The following PLXDC2 variants were observed in gnomAD, a reference collection of about 807,000 sequenced individuals.
The protein encoded by PLXDC2 is plexin domain containing 2.
In PLXDC2, 40 loss-of-function variants were observed where a neutral mutation model predicts 68.9. That is an observed-to-expected ratio of 0.58 (90% CI 0.45 to 0.76). The LOEUF (loss-of-function observed/expected upper bound fraction) is 0.76, where lower values mean the gene tolerates loss of function less well. Among genes scored for constraint, PLXDC2 ranks in the 30% least tolerant of loss-of-function variants. The pLI is 0.00. For missense variants in PLXDC2, 644 were observed against 661.9 expected, an observed-to-expected ratio of 0.97 and a Z score of 0.30; for synonymous variants, 243 against 234.2, an observed-to-expected ratio of 1.04 and a Z score of -0.34.
Position 20,224,134 on chromosome 10 carries a change from C to T in PLXDC2, c.1312+5032C>T, listed in dbSNP as rs193207985. ...GATTACAGGCACATGCCACCATGCC[C>T]GGCTAATTTTTGTATTTTTAGTAGA... On this transcript the variant is annotated intron_variant, in intron 12 of 13. Coordinates refer to ENST00000377252, the MANE Select transcript of PLXDC2 (RefSeq NM_032812.9). Among the ~76,000 whole-genome samples the T allele has an allele frequency of 7.8e-4, 118 of 152,022 alleles. 2 individuals carry two copies. In the South Asian group the frequency reaches 0.02, roughly 26 times the overall value.
intron 6 of PLXDC2, among the ~76,000 whole-genome samples, chr10:20,158,501 CAAAAAAAAAAAA>C (rs59079629): frequency 4.2e-5 from 5 of 118,776 alleles, no homozygotes; most frequent in Non-Finnish European, 8.7e-5. Flanking sequence ...TCTGTCTCTG[CAAAAAAAAAAAA>C]AAAAAAAAAA....
chr10:20,168,279 A>T (rs1834400599), intron 7 of PLXDC2, among the ~76,000 whole-genome samples: 1 of 152,196 alleles, frequency 6.6e-6, no homozygotes, highest in Admixed American at 6.6e-5. Context: ...CTTTCTATAT[A>T]AAATGAGCAT....
intron 1 of PLXDC2, among the ~76,000 whole-genome samples, chr10:19,910,207 C>T (rs933710662): frequency 2.2e-4 from 33 of 149,950 alleles, no homozygotes; most frequent in African/African-American, 7.9e-4. Context: ...TCTGCAAGTT[C>T]AGTGGATTTG....
At chr10:19,834,538 C>T (rs1007958184) in intron 1 of PLXDC2, among the ~76,000 whole-genome samples, 2 of 152,202 alleles carry the variant, frequency 1.3e-5, no homozygotes, top group East Asian at 3.8e-4. Context: ...CAATACACAT[C>T]TGGCAATAGA....
intron 1 of PLXDC2, among the ~76,000 whole-genome samples, chr10:19,882,340 A>C (rs887766299): frequency 8.5e-5 from 13 of 152,212 alleles, no homozygotes; most frequent in Admixed American, 8.5e-4. Context: ...ATAAAGACAA[A>C]GGGGTCAGGG....
intron 1 of PLXDC2, among the ~76,000 whole-genome samples, chr10:19,821,172 T>C (rs1479658014): frequency 1.3e-5 from 2 of 152,206 alleles, no homozygotes; most frequent in South Asian, 2.1e-4. Context: ...CTCTTCTCCA[T>C]GGTCTTCAAG....
intron 6 of PLXDC2, among the ~76,000 whole-genome samples, chr10:20,151,934 C>T (rs1343020847): frequency 2.0e-5 from 3 of 151,958 alleles, no homozygotes. Context: ...ACACAAAACC[C>T]ACCACCAATT....
chr10:20,088,591 GAA>G (rs1485365388), intron 4 of PLXDC2, among the ~76,000 whole-genome samples: 1 of 152,096 alleles, frequency 6.6e-6, no homozygotes, highest in East Asian at 1.9e-4. Flanking sequence ...CCACCCATAG[GAA>G]ACTATTCATA....
At chr10:19,837,409 AGTGTGTGTGTGTGT>A (rs3043789) in intron 1 of PLXDC2, among the ~76,000 whole-genome samples, 3 of 82,598 alleles carry the variant, frequency 3.6e-5, no homozygotes, top group African/African-American at 6.9e-5. Context: ...AGAGAGAGAG[AGTGTGTGTGTGTGT>A]GTGTGTGTGT....
intron 9 of PLXDC2, among the ~76,000 whole-genome samples, chr10:20,208,733 A>G (rs1267583078): frequency 6.6e-6 from 1 of 152,102 alleles, no homozygotes; most frequent in Non-Finnish European, 1.5e-5. Context: ...ATTCAGCCAG[A>G]TATCGGGTGA....
At chr10:19,906,865 T>C (rs1232720321) in intron 1 of PLXDC2, among the ~76,000 whole-genome samples, 2 of 152,198 alleles carry the variant, frequency 1.3e-5, no homozygotes, top group Non-Finnish European at 2.9e-5. Flanking sequence ...TACTCTTCTG[T>C]CTGCCTGGAG....
chr10:19,912,525 C>CT (rs1244018942), intron 1 of PLXDC2, among the ~76,000 whole-genome samples: 3 of 152,136 alleles, frequency 2.0e-5, no homozygotes, highest in African/African-American at 7.2e-5. Flanking sequence ...TTTGATATCA[C>CT]TTTTTTCAGA....
chr10:20,039,015 A>G (rs1354747364), intron 2 of PLXDC2, among the ~76,000 whole-genome samples: 1 of 152,172 alleles, frequency 6.6e-6, no homozygotes, highest in Non-Finnish European at 1.5e-5. Context: ...GAAAGGCCAC[A>G]CTGAAATGAA....
At chr10:19,888,438 G>C (rs1414391184) in intron 1 of PLXDC2, among the ~76,000 whole-genome samples, 1 of 152,162 alleles carries the variant, frequency 6.6e-6, no homozygotes, top group Non-Finnish European at 1.5e-5. Context: ...GGGGTGCAGT[G>C]GCCTAGAGAG....
At chr10:19,827,862 A>AT (rs1362059315) in intron 1 of PLXDC2, among the ~76,000 whole-genome samples, 1 of 152,162 alleles carries the variant, frequency 6.6e-6, no homozygotes, top group African/African-American at 2.4e-5. Context: ...CCCAGCCATC[A>AT]TAACAAATTG....
At chr10:19,843,380 T>G (rs553700682) in intron 1 of PLXDC2, among the ~76,000 whole-genome samples, 1 of 152,314 alleles carries the variant, frequency 6.6e-6, no homozygotes, top group East Asian at 1.9e-4. Context: ...TTTTCTGGGT[T>G]TCCAAAGAGT....
chr10:20,214,686 T>A (rs1835112725), intron 10 of PLXDC2, among the ~76,000 whole-genome samples: 2 of 152,194 alleles, frequency 1.3e-5, no homozygotes, highest in Non-Finnish European at 1.5e-5. Context: ...CAAGTTTTAT[T>A]CAGAATCTAC....
chr10:20,131,134 T>G (rs1260702518), intron 4 of PLXDC2, among the ~76,000 whole-genome samples: 1 of 151,390 alleles, frequency 6.6e-6, no homozygotes, highest in African/African-American at 2.4e-5. Context: ...TTTGGAGGTT[T>G]TTGATTACTG....
chr10:20,028,776 G>T (rs765145330), intron 2 of PLXDC2, among the ~76,000 whole-genome samples: 10 of 152,068 alleles, frequency 6.6e-5, no homozygotes, highest in Non-Finnish European at 1.3e-4. Flanking sequence ...TTTGCCTATT[G>T]AAATAGCTTC....
Sources: gnomAD v4.1 joint callset for allele counts (sites outside exome capture counted in the v4.1 genomes callset) on GRCh38, gnomAD v4.1.1 for gene constraint, MANE v1.5 for transcripts, NCBI Gene and HGNC (gene_info 2026-07-23, HGNC 2026-07-21) for gene names.